The following PKHD1 variants were observed in gnomAD, a reference collection of about 807,000 sequenced individuals.
PKHD1 encodes the protein fibrocystin.
PKHD1 carries 291 observed loss-of-function variants against 412.0 expected under a neutral mutation model. The ratio of observed to expected loss-of-function variants is 0.71; its 90% CI spans 0.64 to 0.78. The LOEUF (loss-of-function observed/expected upper bound fraction) is 0.78, where lower values mean the gene tolerates loss of function less well. PKHD1 is among the 30% of genes least tolerant of loss of function. PKHD1 has a pLI of 0.00. For synonymous variants in PKHD1, 1,777 were observed against 1,821.5 expected, an observed-to-expected ratio of 0.98 and a Z score of 0.62; for missense variants, 4,825 against 4,950.7, an observed-to-expected ratio of 0.97 and a Z score of 0.76.
intron 43 of PKHD1, among the ~76,000 whole-genome samples, chr6:51,899,139 A>G (rs1220450300): frequency 6.6e-6 from 1 of 152,218 alleles, no homozygotes; most frequent in African/African-American, 2.4e-5. Flanking sequence ...CCATAGAAAA[A>G]GAGGGAATCC....
chr6:52,083,290 G>A, intron 2 of PKHD1, 35 bp from the exon 3 acceptor site: 3 of 1,354,398 alleles, frequency 2.2e-6, no homozygotes, highest in Non-Finnish European at 3.2e-6. Flanking sequence ...TGGTTTTGAA[G>A]GTCAGATTCA....
rs1397199009 is a variant in PKHD1, at chr6:51,615,473, T to C, written c.*3608A>G. 6.6e-6 allele frequency: 1 copy of C among 152,204 alleles called. No homozygotes were observed. The highest frequency in any genetic ancestry group is 1.5e-5 in the Non-Finnish European group (1 of 68,018). 9.4% of individuals were successfully genotyped at this position (152,204 alleles called of 1,614,324 possible). A position where few individuals can be genotyped will look rare whatever the true frequency, so the allele number is the denominator to read the frequency against. ...TTGAAATCAACAGTTCTATACTCAA[T>C]AGTATTTAATTCCTTGTGCTTATAG... On this transcript the variant is annotated 3_prime_UTR_variant, in exon 67 of 67. Transcript: ENST00000371117.
rs939631586 is a variant in PKHD1, at chr6:51,724,357, T to A, written c.10156+20028A>T. On this transcript the variant is annotated intron_variant, in intron 60 of 66. Coordinates refer to ENST00000371117, the MANE Select transcript of PKHD1 (RefSeq NM_138694.4). ...ATTTACTACTCCTCTAAACTGCCTA[T>A]AGCCCCTCATACCACTCTTTCCTAT... 5.3e-5 allele frequency among the ~76,000 whole-genome samples: 8 copies of A among 152,222 alleles called. No individual in the cohort carries two copies. The East Asian group carries it at 1.5e-3, about 29-fold the overall frequency.
Position 51,659,075 on chromosome 6 carries a change from T to G in PKHD1, c.11051A>C (p.Asn3684Thr), listed in dbSNP as rs2150411393. Residue 3684 changes from asparagine (N) to threonine (T), a missense_variant, in exon 61 of 67, where the codon AAC becomes ACC. Asn to Thr is a moderately conservative substitution (Grantham distance 65). Coordinates refer to ENST00000371117, the MANE Select transcript of PKHD1 (RefSeq NM_138694.4). ...TCGATGAGCCAAATTCTGTAATTTG[T>G]TACTTGATAAGGATGAAATCATTCC... Reference protein sequence around the residue: ...STGMISSLSSNKLQNLAHRVI... With the variant: ...STGMISSLSSTKLQNLAHRVI... The G allele has an allele frequency of 1.2e-6, 2 of 1,613,788 alleles. No individual in the cohort carries two copies. Among genetic ancestry groups the G allele is most frequent in the East Asian group, 4.5e-5 (2 of 44,852 alleles).
intron 7 of PKHD1, 70 bp from the exon 8 acceptor site, chr6:52,072,259 AC>A (rs1810733452): frequency 1.0e-6 from 1 of 974,072 alleles, no homozygotes; most frequent in African/African-American, 1.6e-5. Context: ...AACATTCCTC[AC>A]AAAACTCAGA....
intron 50 of PKHD1, among the ~76,000 whole-genome samples, chr6:51,841,658 G>A (rs1327693026): frequency 6.6e-6 from 1 of 152,156 alleles, no homozygotes; most frequent in Non-Finnish European, 1.5e-5. Context: ...TGCCTTAGAG[G>A]GGCTCAGCAT....
intron 2 of PKHD1, among the ~76,000 whole-genome samples, chr6:52,084,092 T>C (rs1392996458): frequency 6.6e-6 from 1 of 152,180 alleles, no homozygotes; most frequent in Non-Finnish European, 1.5e-5. Context: ...CCTGGACAAG[T>C]CTTGATGAAG....
At chr6:51,758,218 G>A (rs528590262) in intron 55 of PKHD1, among the ~76,000 whole-genome samples, 1 of 152,198 alleles carries the variant, frequency 6.6e-6, no homozygotes, top group African/African-American at 2.4e-5. Flanking sequence ...TCATTAAAAT[G>A]TATCTTTCCT....
chr6:51,897,951 C>A (rs933981374), intron 43 of PKHD1, among the ~76,000 whole-genome samples: 5 of 152,124 alleles, frequency 3.3e-5, no homozygotes, highest in Admixed American at 6.5e-5. Context: ...ATCAATTCAA[C>A]AAGAAGAGTT....
chr6:51,733,594 TA>T (rs1290242692), intron 60 of PKHD1, among the ~76,000 whole-genome samples: 2 of 150,962 alleles, frequency 1.3e-5, no homozygotes, highest in Non-Finnish European at 2.9e-5. Context: ...TTTACCACAA[TA>T]AAAACATAAG....
intron 64 of PKHD1, among the ~76,000 whole-genome samples, chr6:51,633,789 G>T (rs1768213937): frequency 6.6e-6 from 1 of 152,106 alleles, no homozygotes. Context: ...GTGATGAAAT[G>T]GTCCTTATCC....
At chr6:51,764,705 T>C (rs1389298171) in intron 55 of PKHD1, among the ~76,000 whole-genome samples, 5 of 152,152 alleles carry the variant, frequency 3.3e-5, no homozygotes, top group African/African-American at 1.2e-4. Flanking sequence ...ATTCTTGATA[T>C]TGCCAATGTA....
intron 36 of PKHD1, among the ~76,000 whole-genome samples, chr6:51,938,745 C>T (rs193240559): frequency 8.4e-4 from 127 of 151,766 alleles, no homozygotes; most frequent in Middle Eastern, 6.8e-3. Flanking sequence ...ATCCCCTGTC[C>T]TCCTGCTCTT....
At chr6:51,923,733 T>C (rs986011674) in intron 37 of PKHD1, among the ~76,000 whole-genome samples, 2 of 152,148 alleles carry the variant, frequency 1.3e-5, no homozygotes, top group Non-Finnish European at 2.9e-5. Context: ...CTATCAAGAA[T>C]TTTACAAAGA....
At chr6:51,828,331 A>G (rs1767677031) in intron 52 of PKHD1, among the ~76,000 whole-genome samples, 1 of 152,156 alleles carries the variant, frequency 6.6e-6, no homozygotes, top group Non-Finnish European at 1.5e-5. Context: ...ATCTGTAAAA[A>G]CAGGGATAAT....
intron 36 of PKHD1, among the ~76,000 whole-genome samples, chr6:51,950,220 A>AAAAAAAAAAAAAAAATATATATATATAT: frequency 1.0e-5 from 1 of 98,304 alleles, no homozygotes; most frequent in African/African-American, 3.8e-5. Flanking sequence ...GAAAAAAAAA[A>AAAAAAAAAAAAAAAATATATATATATAT]ATATATATAT....
rs763674436 is a variant in PKHD1, at chr6:51,659,870, T to A, written c.10256A>T (p.Asp3419Val). 4 of 1,613,500 alleles carry A rather than the reference T, an allele frequency of 2.5e-6. No homozygotes were observed. In the African/African-American group the frequency reaches 4.0e-5, roughly 16 times the overall value. ...TAACTTCTGAATTGCCCAAATGGCA[T>A]CAGCGCTATCAAGAATTAGGACCAC... ...DQVVLILDSA[D>V]AIWAIQKLYP... The change falls in exon 61 of 67, where the codon GAT becomes GTT. Residue 3419 changes from aspartate to valine, a missense_variant. Coordinates refer to ENST00000371117, the MANE Select transcript of PKHD1 (RefSeq NM_138694.4).
At chr6:51,832,381 A>G (rs1302370959) in intron 51 of PKHD1, among the ~76,000 whole-genome samples, 1 of 152,080 alleles carries the variant, frequency 6.6e-6, no homozygotes, top group Non-Finnish European at 1.5e-5. Context: ...CGAGGCAAAA[A>G]TTGGGAAGTC....
In PKHD1 at chr6:51,885,912, A is replaced by G. The variant is rs368101035; in HGVS notation, c.7170T>C (p.Thr2390=). ...QPPWDNVTGT[T]LFQSFTVWES... ...CCCAAACTGTGAAGCTCTGGAACAG[A>G]GTGGTGCCAGTGACATTATCCCAAG... The change falls in exon 45 of 67, where the codon ACT becomes ACC. Residue 2390 remains threonine (T), a synonymous_variant. Coordinates refer to ENST00000371117, the MANE Select transcript of PKHD1 (RefSeq NM_138694.4). 2.8e-5 allele frequency: 45 copies of G among 1,613,460 alleles called. No homozygotes were observed. In the African/African-American group the frequency reaches 5.3e-4, roughly 19 times the overall value.
Sources: gnomAD v4.1 joint callset for allele counts (sites outside exome capture counted in the v4.1 genomes callset) on GRCh38, gnomAD v4.1.1 for gene constraint, MANE v1.5 for transcripts, NCBI Gene and HGNC (gene_info 2026-07-23, HGNC 2026-07-21) for gene names.